The following KLRG1 variants were observed in gnomAD, a reference collection of about 807,000 sequenced individuals.
KLRG1 encodes killer cell lectin like receptor G1.
In KLRG1, 16 loss-of-function variants were observed where a neutral mutation model predicts 21.8. The ratio of observed to expected loss-of-function variants is 0.73; its 90% CI spans 0.50 to 1.11. KLRG1 has a LOEUF of 1.11. KLRG1 is among the 50% of genes most tolerant of loss of function. The pLI, the probability that KLRG1 is intolerant of heterozygous loss-of-function variation, is 0.00. For synonymous variants in KLRG1, 69 were observed against 75.9 expected, an observed-to-expected ratio of 0.91 and a Z score of 0.47; for missense variants, 173 against 218.3, an observed-to-expected ratio of 0.79 and a Z score of 1.31.
intron 3 of KLRG1, among the ~76,000 whole-genome samples, chr12:9,005,196 C>A (rs1449599624): frequency 6.6e-6 from 1 of 151,598 alleles, no homozygotes; most frequent in Non-Finnish European, 1.5e-5. Flanking sequence ...ACACACCGGG[C>A]CTGTCGGGGG....
rs534772086 is a variant in KLRG1 at position 8,995,272 on chromosome 12, C to T, written c.341C>T (p.Thr114Met). ...LARDSHLLVI[T>M]DNQEMSLLQV... ...AGAGACTCACACCTCCTTGTGATAA[C>T]GGACAATCAGGAAATGGTAAATGCA... Residue 114 changes from threonine (T) to methionine (M), a missense_variant, in exon 3 of 5, where the codon ACG (threonine) becomes ATG (methionine). Thr to Met is a moderately conservative substitution (Grantham distance 81). This residue lies in a region of KLRG1 where 144 missense variants were observed against 161.5 expected (regional missense o/e 0.89). Transcript: ENST00000356986. 2.0e-5 allele frequency: 32 copies of T among 1,607,278 alleles called. No homozygotes were observed. Among genetic ancestry groups the T allele is most frequent in the South Asian group, 1.9e-4 (17 of 89,608 alleles).
At chr12:9,050,265 G>T in the KLRG1 span, among the ~76,000 whole-genome samples, 1 of 152,196 alleles carries the variant, frequency 6.6e-6, no homozygotes, top group Admixed American at 6.5e-5. Flanking sequence ...TGAGAAATAA[G>T]GATGACTGTA....
the KLRG1 span, among the ~76,000 whole-genome samples, chr12:9,189,566 C>T: frequency 6.6e-6 from 1 of 152,164 alleles, no homozygotes; most frequent in Admixed American, 6.6e-5. Context: ...CAATACCATT[C>T]TGGACACAGG....
At chr12:9,109,630 C>T in the KLRG1 span, among the ~76,000 whole-genome samples, 4 of 152,124 alleles carry the variant, frequency 2.6e-5, no homozygotes, top group Non-Finnish European at 5.9e-5. Flanking sequence ...TCCATTAAAA[C>T]AAGAATGTTT....
the KLRG1 span, chr12:9,089,939 C>G: frequency 6.2e-7 from 1 of 1,612,508 alleles, no homozygotes. Flanking sequence ...GTCTTTCCTT[C>G]CGTGTTCAGG....
chr12:9,040,331 T>G, the KLRG1 span, among the ~76,000 whole-genome samples: 4 of 152,228 alleles, frequency 2.6e-5, no homozygotes, highest in Admixed American at 2.6e-4. Context: ...TTTTTCTGTT[T>G]AAGCGCCTTC....
intron 1 of KLRG1, among the ~76,000 whole-genome samples, chr12:8,977,941 C>G (rs746939268): frequency 2.6e-5 from 4 of 152,246 alleles, no homozygotes; most frequent in African/African-American, 9.6e-5. Context: ...TCACTGCAGC[C>G]TCTGCCTCCT....
At chr12:8,954,173 A>G (rs1288445160) in intron 1 of KLRG1, among the ~76,000 whole-genome samples, 1 of 152,194 alleles carries the variant, frequency 6.6e-6, no homozygotes, top group Non-Finnish European at 1.5e-5. Flanking sequence ...TGAGTGAAAT[A>G]AGACACACAC....
chr12:9,164,039 C>G, the KLRG1 span: 1 of 1,446,896 alleles, frequency 6.9e-7, no homozygotes, highest in Non-Finnish European at 9.4e-7. Flanking sequence ...AGAATTATAT[C>G]TATGGCAAAT....
At chr12:9,062,987 A>T in the KLRG1 span, among the ~76,000 whole-genome samples, 1 of 152,092 alleles carries the variant, frequency 6.6e-6, no homozygotes, top group African/African-American at 2.4e-5. Flanking sequence ...GATGGACATA[A>T]AGTATTTGAG....
chr12:8,982,780 G>A (rs1946776270), intron 1 of KLRG1, among the ~76,000 whole-genome samples: 1 of 151,790 alleles, frequency 6.6e-6, no homozygotes, highest in African/African-American at 2.4e-5. Flanking sequence ...CAAACAGCTG[G>A]GATTACAGGC....
At chr12:9,154,786 G>A in the KLRG1 span, 2 of 1,614,146 alleles carry the variant, frequency 1.2e-6, no homozygotes, top group Non-Finnish European at 1.7e-6. Flanking sequence ...GTTTGGTAAA[G>A]ATGCCCCACT....
At position 9,010,090 on chromosome 12, in the gene KLRG1, G is replaced by A. The variant is rs1351116090; in HGVS notation, c.*553G>A. The stretch of plus-strand genomic sequence containing the variant: ...AGTCCTAGCTATTTGGGAAGCTGAG[G>A]TGGGAGGGTCGCTTGAGCCCAGGAG... On this transcript the variant is annotated 3_prime_UTR_variant, in exon 5 of 5. Transcript: ENST00000356986. 1.4e-6 allele frequency: 2 copies of A among 1,382,838 alleles called. No individual in the cohort carries two copies. The highest frequency in any genetic ancestry group is 1.2e-5 in the South Asian group (1 of 80,532). The allele number at this position is 1,382,838 out of a possible 1,614,324, so 85.7% of individuals were successfully genotyped here. A position where few individuals can be genotyped will look rare whatever the true frequency, so the allele number is the denominator to read the frequency against.
the KLRG1 span, among the ~76,000 whole-genome samples, chr12:9,071,346 C>T: frequency 2.6e-5 from 4 of 151,894 alleles, no homozygotes; most frequent in Non-Finnish European, 5.9e-5. Context: ...AAACACCTAG[C>T]GTCTTGTCCC....
intron 1 of KLRG1, among the ~76,000 whole-genome samples, chr12:8,983,454 G>A (rs979632407): frequency 3.0e-5 from 4 of 133,066 alleles, no homozygotes; most frequent in South Asian, 5.0e-4. Context: ...AGGCTGGAGT[G>A]TAATGGTGCA....
rs574268583 is a variant in KLRG1 at position 8,961,619 on chromosome 12, C to T, written c.-156+11383C>T. Reference sequence around the variant, plus strand: ...TTTTTTTAGTAGAGACAGAGTTTCACCATGTTGGCCAGCCTGGTCTTGAAC... The same window carrying T: ...TTTTTTTAGTAGAGACAGAGTTTCATCATGTTGGCCAGCCTGGTCTTGAAC... On this transcript the variant is annotated intron_variant, in intron 1 of 4. Coordinates refer to the KLRG1 transcript ENST00000539240. 3.0e-4 allele frequency among the ~76,000 whole-genome samples: 45 copies of T among 152,052 alleles called. No individual in the cohort carries two copies. In the South Asian group the frequency reaches 9.1e-3, roughly 31 times the overall value.
At chr12:9,092,310 T>C in the KLRG1 span, among the ~76,000 whole-genome samples, 1 of 152,106 alleles carries the variant, frequency 6.6e-6, no homozygotes, top group East Asian at 1.9e-4. Context: ...ATCACCTAGC[T>C]CCAGGAGTAG....
intron 3 of KLRG1, among the ~76,000 whole-genome samples, chr12:8,998,842 A>T (rs996794320): frequency 3.3e-5 from 5 of 152,090 alleles, no homozygotes; most frequent in African/African-American, 9.7e-5. Flanking sequence ...ATATTTAAAA[A>T]TTTTTTTGAA....
the KLRG1 span, chr12:9,152,290 G>A: frequency 1.2e-6 from 2 of 1,613,100 alleles, no homozygotes; most frequent in African/African-American, 1.3e-5. Context: ...CATATTGGAA[G>A]CAGGACGGTT....
Sources: gnomAD v4.1 joint callset for allele counts (sites outside exome capture counted in the v4.1 genomes callset) on GRCh38, gnomAD v4.1.1 for gene constraint, gnomAD v4.1.1 regional missense constraint, MANE v1.5 for transcripts, NCBI Gene and HGNC (gene_info 2026-07-23, HGNC 2026-07-21) for gene names.